PPP1R9A: variants seen among roughly 807,000 people sequenced by gnomAD.
The protein encoded by PPP1R9A is neurabin-1.
PPP1R9A carries 59 observed loss-of-function variants against 141.9 expected under a neutral mutation model. That is an observed-to-expected ratio of 0.42 (90% confidence interval 0.34 to 0.52). The LOEUF (loss-of-function observed/expected upper bound fraction) is 0.52. Ranked by LOEUF, PPP1R9A falls within the 20% of genes least tolerant of loss-of-function variation. PPP1R9A has a pLI of 0.10. For missense variants in PPP1R9A, 1,444 were observed against 1,611.9 expected (o/e 0.90, Z 1.78); for synonymous variants, 500 against 569.7 (o/e 0.88, Z 1.74).
intron 2 of PPP1R9A, among the ~76,000 whole-genome samples, chr7:94,924,917 T>C (rs1210706428): frequency 6.6e-6 from 1 of 152,148 alleles, no homozygotes; most frequent in East Asian, 1.9e-4. Context: ...CCTCAGATGG[T>C]TGAAAGTCTG....
At chr7:94,933,999 A>G (rs1794469963) in intron 2 of PPP1R9A, among the ~76,000 whole-genome samples, 1 of 152,220 alleles carries the variant, frequency 6.6e-6, no homozygotes. Context: ...ATTTGGGACA[A>G]ATAAAACTCT....
chr7:95,162,968 T>C (rs1830656809), intron 5 of PPP1R9A, among the ~76,000 whole-genome samples: 1 of 152,176 alleles, frequency 6.6e-6, no homozygotes, highest in African/African-American at 2.4e-5. Context: ...GAGAAAAGAA[T>C]GTAAAATAAT....
chr7:94,949,849 C>A (rs1266374040), intron 2 of PPP1R9A, among the ~76,000 whole-genome samples: 1 of 151,328 alleles, frequency 6.6e-6, no homozygotes, highest in Non-Finnish European at 1.5e-5. Context: ...GTAAAGGAGG[C>A]ATTCCAAAAT....
At chr7:95,201,919 TAGTC>T (rs1260588390) in intron 6 of PPP1R9A, among the ~76,000 whole-genome samples, 4 of 152,192 alleles carry the variant, frequency 2.6e-5, no homozygotes, top group African/African-American at 7.2e-5. Context: ...AGCCAGCTCT[TAGTC>T]AGCATTTTCT....
intron 4 of PPP1R9A, among the ~76,000 whole-genome samples, chr7:95,139,982 A>G (rs1826356076): frequency 6.6e-6 from 1 of 152,188 alleles, no homozygotes; most frequent in Non-Finnish European, 1.5e-5. Context: ...CCACATTGCT[A>G]CCAAAGGCAT....
At chr7:94,918,654 T>C (rs887120443) in intron 2 of PPP1R9A, among the ~76,000 whole-genome samples, 8 of 152,136 alleles carry the variant, frequency 5.3e-5, no homozygotes, top group Non-Finnish European at 1.0e-4. Flanking sequence ...CCAATTCCCC[T>C]TCCTTCTTCA....
chr7:95,134,210 A>G (rs1825208208), intron 4 of PPP1R9A, among the ~76,000 whole-genome samples: 1 of 152,092 alleles, frequency 6.6e-6, no homozygotes, highest in South Asian at 2.1e-4. Context: ...CAGCAAACTA[A>G]TACAGGAACA....
intron 2 of PPP1R9A, among the ~76,000 whole-genome samples, chr7:95,083,332 T>C (rs533008650): frequency 3.1e-4 from 47 of 151,746 alleles, no homozygotes; most frequent in Non-Finnish European, 6.2e-4. Context: ...CTGTGTGACA[T>C]TCCTTGCCCC....
At chr7:95,109,621 G>C (rs1054597779) in intron 2 of PPP1R9A, among the ~76,000 whole-genome samples, 1 of 152,112 alleles carries the variant, frequency 6.6e-6, no homozygotes, top group African/African-American at 2.4e-5. Flanking sequence ...TGGGAGGATT[G>C]CTTGAGCCTG....
chr7:95,174,736 C>T (rs543940501), intron 5 of PPP1R9A, among the ~76,000 whole-genome samples: 2 of 152,102 alleles, frequency 1.3e-5, no homozygotes, highest in South Asian at 4.1e-4. Flanking sequence ...TGACTTTTTA[C>T]CAGAAAATAT....
intron 4 of PPP1R9A, among the ~76,000 whole-genome samples, chr7:95,135,263 G>A (rs1481414851): frequency 2.6e-5 from 4 of 152,070 alleles, no homozygotes. Flanking sequence ...ATTTAAATTT[G>A]TATCCCAGTA....
rs150837115 is a variant in PPP1R9A, at chr7:95,169,030, CTAAG to C, written c.1754+7061_1754+7064del. Among the ~76,000 whole-genome samples, 1,075 of 152,104 alleles carry C rather than the reference CTAAG, an allele frequency of 7.1e-3. 13 individuals are homozygous for C. The highest frequency in any genetic ancestry group is 0.024 in the African/African-American group (1,009 of 41,534). On this transcript the variant is annotated intron_variant, in intron 5 of 19. Coordinates refer to ENST00000433360, the MANE Select transcript of PPP1R9A (RefSeq NM_001166160.2). ...ACCAAATGATCCAGCAGTCCTGCTA[CTAAG>C]TGTTTATTTAAAGAAAAGAAATCAG...
intron 5 of PPP1R9A, among the ~76,000 whole-genome samples, chr7:95,189,135 G>T (rs1179715912): frequency 2.6e-5 from 4 of 152,150 alleles, no homozygotes; most frequent in Non-Finnish European, 4.4e-5. Context: ...GGCTTGTAGG[G>T]TTTCTGCTGA....
intron 2 of PPP1R9A, among the ~76,000 whole-genome samples, chr7:95,005,345 A>G (rs906560704): frequency 5.9e-5 from 9 of 152,190 alleles, no homozygotes; most frequent in African/African-American, 1.9e-4. Flanking sequence ...GTATGAATTC[A>G]TTTTATAGAG....
At chr7:95,162,376 G>A (rs1830583475) in intron 5 of PPP1R9A, among the ~76,000 whole-genome samples, 1 of 152,060 alleles carries the variant, frequency 6.6e-6, no homozygotes, top group Admixed American at 6.6e-5. Context: ...ATAAAGATAA[G>A]TATATTTTTT....
chr7:95,040,316 CA>C (rs75126845), intron 2 of PPP1R9A, among the ~76,000 whole-genome samples: 2,387 of 136,824 alleles, frequency 0.017, 68 homozygotes, highest in African/African-American at 0.057. Flanking sequence ...AGGGAGGTAC[CA>C]AAAAAAAAAA....
chr7:95,214,530 A>C (rs1421936944), intron 7 of PPP1R9A, among the ~76,000 whole-genome samples: 1 of 152,084 alleles, frequency 6.6e-6, no homozygotes, highest in Non-Finnish European at 1.5e-5. Context: ...TTTTTTTTCA[A>C]CTAATCTGAG....
intron 4 of PPP1R9A, among the ~76,000 whole-genome samples, chr7:95,149,123 A>T (rs1341082760): frequency 6.6e-6 from 1 of 152,148 alleles, no homozygotes; most frequent in Non-Finnish European, 1.5e-5. Flanking sequence ...AGTCCATCAC[A>T]TCTGCAGGCT....
intron 4 of PPP1R9A, among the ~76,000 whole-genome samples, chr7:95,159,649 C>T (rs1038557399): frequency 9.2e-5 from 14 of 151,886 alleles, no homozygotes; most frequent in Non-Finnish European, 1.5e-5. Flanking sequence ...TCGGGCCGAC[C>T]GTGGTGGCTC....
Sources: allele counts gnomAD v4.1 joint callset (sites outside exome capture counted in the v4.1 genomes callset), GRCh38; gene constraint gnomAD v4.1.1; transcripts MANE v1.5; gene names NCBI Gene and HGNC (gene_info 2026-07-23, HGNC 2026-07-21).